The following AOAH variants were observed in gnomAD, a reference collection of about 807,000 sequenced individuals.
AOAH encodes acyloxyacyl hydrolase.
A neutral mutation model predicts 92.2 loss-of-function variants in AOAH; 64 were observed. The observed-to-expected ratio is 0.69, with a 90% CI of 0.57 to 0.86. AOAH has a LOEUF of 0.86. AOAH is among the 40% of genes least tolerant of loss of function. The probability of loss-of-function intolerance (pLI) is 0.00; values close to 1 mark genes in which losing one functional copy is unlikely to be tolerated. For synonymous variants in AOAH, 263 were observed against 254.5 expected (o/e 1.03, Z -0.32); for missense variants, 656 against 694.6 (o/e 0.94, Z 0.62).
chr7:36,714,962 T>A (rs1799031817), intron 1 of AOAH, among the ~76,000 whole-genome samples: 1 of 152,182 alleles, frequency 6.6e-6, no homozygotes, highest in African/African-American at 2.4e-5. Context: ...AACATAGTGT[T>A]GGAAGTTCTG....
At chr7:36,517,078 G>T (rs747064655) in intron 20 of AOAH, among the ~76,000 whole-genome samples, 36 of 152,104 alleles carry the variant, frequency 2.4e-4, no homozygotes, top group African/African-American at 8.5e-4. Context: ...TTCTCATACC[G>T]CAATTTCCTG....
chr7:36,594,243 T>G (rs1789939289), intron 12 of AOAH, 96 bp downstream of exon 12: 23 of 942,082 alleles, frequency 2.4e-5, no homozygotes, highest in Non-Finnish European at 4.0e-5. Context: ...CAGTTCCTAA[T>G]AATTCGCATT....
chr7:36,606,346 A>G (rs1791001899), intron 11 of AOAH, among the ~76,000 whole-genome samples: 1 of 152,186 alleles, frequency 6.6e-6, no homozygotes, highest in Admixed American at 6.5e-5. Flanking sequence ...AGCTTGAGAG[A>G]TGGGAGCCGC....
chr7:36,529,849 G>A (rs555212879), intron 19 of AOAH, among the ~76,000 whole-genome samples: 13 of 152,324 alleles, frequency 8.5e-5, no homozygotes, highest in African/African-American at 2.9e-4. Flanking sequence ...CAGTGACTCC[G>A]GTGTTTGGAC....
chr7:36,698,914 C>A (rs1052544129), intron 1 of AOAH, among the ~76,000 whole-genome samples: 7 of 152,084 alleles, frequency 4.6e-5, no homozygotes, highest in African/African-American at 7.2e-5. Flanking sequence ...TTTCTTCTAT[C>A]TAGGTATGCA....
At position 36,522,087 on chromosome 7, in the gene AOAH, T is replaced by TC; in HGVS notation, c.1550dup (p.Gln518ThrfsTer49). 1 of 1,614,210 alleles carries TC rather than the reference T, an allele frequency of 6.2e-7. No individual in the cohort carries two copies. Among genetic ancestry groups the TC allele is most frequent in the Non-Finnish European group, 8.5e-7 (1 of 1,180,038 alleles). On this transcript the variant is annotated frameshift_variant, in exon 20 of 21. Transcript: ENST00000617537. LOFTEE classifies it high-confidence loss of function. ...CGGGCTCGATGAGCTGCCAGGGCTG[T>TC]CCGCCTCTCTTCTGCCACTCCTGTA...
chr7:36,514,273 G>A (rs752301654), intron 20 of AOAH, among the ~76,000 whole-genome samples: 20 of 151,426 alleles, frequency 1.3e-4, no homozygotes, highest in Non-Finnish European at 2.9e-4. Context: ...CGTGTGCAAA[G>A]GCTCAGAGCT....
At chr7:36,674,067 C>G in intron 2 of AOAH, 58 bp from the exon 3 acceptor site, 2 of 932,738 alleles carry the variant, frequency 2.1e-6, no homozygotes, top group East Asian at 2.6e-5. Context: ...TTTAACACAC[C>G]TTAATAATGA....
intron 6 of AOAH, among the ~76,000 whole-genome samples, chr7:36,625,028 C>T (rs1448025916): frequency 6.6e-6 from 1 of 151,948 alleles, no homozygotes; most frequent in African/African-American, 2.4e-5. Flanking sequence ...AGAGGAGGAC[C>T]CTGGGATGAG....
intron 1 of AOAH, among the ~76,000 whole-genome samples, chr7:36,701,613 C>T (rs1798041552): frequency 6.6e-6 from 1 of 151,318 alleles, no homozygotes; most frequent in Non-Finnish European, 1.5e-5. Flanking sequence ...ATATATTTAT[C>T]CCTATTCTCT....
At chr7:36,682,645 A>C (rs1458061747) in intron 2 of AOAH, among the ~76,000 whole-genome samples, 1 of 152,106 alleles carries the variant, frequency 6.6e-6, no homozygotes, top group Non-Finnish European at 1.5e-5. Flanking sequence ...AGAATTAGAA[A>C]AACTCAGATA....
At chr7:36,518,627 C>T (rs962648361) in intron 20 of AOAH, among the ~76,000 whole-genome samples, 4 of 152,208 alleles carry the variant, frequency 2.6e-5, no homozygotes, top group South Asian at 4.1e-4. Flanking sequence ...GGAATGGGTG[C>T]TCTGATTAAG....
At chr7:36,578,357 A>G (rs1381418667) in intron 12 of AOAH, among the ~76,000 whole-genome samples, 3 of 152,246 alleles carry the variant, frequency 2.0e-5, no homozygotes, top group African/African-American at 7.2e-5. Context: ...AGTATGCTAG[A>G]AAGTTCTAAA....
At chr7:36,706,326 T>C (rs1219382619) in intron 1 of AOAH, among the ~76,000 whole-genome samples, 3 of 152,166 alleles carry the variant, frequency 2.0e-5, no homozygotes, top group Non-Finnish European at 4.4e-5. Context: ...TGAGCAGTAA[T>C]ATTTTGAAAT....
intron 12 of AOAH, among the ~76,000 whole-genome samples, chr7:36,579,470 G>A (rs556235362): frequency 6.6e-6 from 1 of 151,896 alleles, no homozygotes; most frequent in Admixed American, 6.6e-5. Context: ...ATCTGTATTA[G>A]GTATTAGTCA....
At chr7:36,537,676 G>A (rs759394458) in intron 16 of AOAH, among the ~76,000 whole-genome samples, 2 of 151,758 alleles carry the variant, frequency 1.3e-5, no homozygotes, top group South Asian at 2.1e-4. Context: ...CTGCCACCAC[G>A]CCCAGCTAAT....
intron 20 of AOAH, among the ~76,000 whole-genome samples, chr7:36,517,292 CTTTCCT>C: frequency 2.4e-5 from 2 of 81,672 alleles, no homozygotes; most frequent in East Asian, 7.8e-4. Flanking sequence ...TTCTTTCTTT[CTTTCCT>C]TTCTTCTTTT....
chr7:36,608,423 G>A (rs1390002733), intron 11 of AOAH, among the ~76,000 whole-genome samples: 1 of 152,220 alleles, frequency 6.6e-6, no homozygotes, highest in African/African-American at 2.4e-5. Flanking sequence ...TCACTTGGAA[G>A]AAATATTGGT....
At chr7:36,675,447 A>G (rs1209159557) in intron 2 of AOAH, among the ~76,000 whole-genome samples, 1 of 152,246 alleles carries the variant, frequency 6.6e-6, no homozygotes, top group Admixed American at 6.5e-5. Context: ...TGGACTCAAG[A>G]ATAGACAATT....
Sources: allele counts gnomAD v4.1 joint callset (sites outside exome capture counted in the v4.1 genomes callset), GRCh38; gene constraint gnomAD v4.1.1; transcripts MANE v1.5; gene names NCBI Gene and HGNC (gene_info 2026-07-23, HGNC 2026-07-21).